The following TENM2 variants were observed in gnomAD, a reference collection of about 807,000 sequenced individuals.
The protein encoded by TENM2 is teneurin-2.
In TENM2, 52 loss-of-function variants were observed where a neutral mutation model predicts 245.2. The ratio of observed to expected loss-of-function variants is 0.21; its 90% CI spans 0.17 to 0.27. The LOEUF (loss-of-function observed/expected upper bound fraction) is 0.27. TENM2 is among the 10% of genes least tolerant of loss of function. The pLI, the probability that TENM2 is intolerant of heterozygous loss-of-function variation, is 1.00. For missense variants in TENM2, 3,046 were observed against 3,666.8 expected (o/e 0.83, Z 4.37); for synonymous variants, 1,363 against 1,438.9 (o/e 0.95, Z 1.19).
At chr5:168,057,031 C>T (rs1789599802) in intron 6 of TENM2, among the ~76,000 whole-genome samples, 1 of 151,826 alleles carries the variant, frequency 6.6e-6, no homozygotes, top group South Asian at 2.1e-4. Flanking sequence ...TTAAGTGACT[C>T]ATGACTGTAT....
In TENM2 at chr5:168,036,646, ATAT is replaced by A. The variant is rs1359749034; in HGVS notation, c.1187-10780_1187-10778del. Among the ~76,000 whole-genome samples, 103 of 108,884 alleles carry A rather than the reference ATAT, an allele frequency of 9.5e-4. 6 individuals are homozygous for A. Among genetic ancestry groups the A allele is most frequent in the African/African-American group, 4.0e-3 (88 of 22,024 alleles). 71.4% of individuals were successfully genotyped at this position (108,884 alleles called of 152,430 possible). A position where few individuals can be genotyped will look rare whatever the true frequency, so the allele number is the denominator to read the frequency against. Reference sequence around the variant, plus strand: ...AGCGAAACTCCATCAAAAAAAAAATATATATATATATATATATAATATATGTAT... The same window carrying A: ...AGCGAAACTCCATCAAAAAAAAAATAATATATATATATATAATATATGTAT... On this transcript the variant is annotated intron_variant, in intron 5 of 28. Transcript: ENST00000518659.
intron 27 of TENM2, among the ~76,000 whole-genome samples, chr5:168,258,491 G>T (rs1767886736): frequency 6.6e-6 from 1 of 151,804 alleles, no homozygotes; most frequent in Admixed American, 6.6e-5. Context: ...ACAGAGCAAG[G>T]CTCAGTCTCA....
At chr5:167,180,069 G>A in the TENM2 span, among the ~76,000 whole-genome samples, 1 of 145,552 alleles carries the variant, frequency 6.9e-6, no homozygotes, top group Non-Finnish European at 1.5e-5. Flanking sequence ...CCCACCTTCC[G>A]TTCCTCTCCA....
chr5:168,181,567 C>T (rs763020015), intron 13 of TENM2, among the ~76,000 whole-genome samples: 2 of 151,788 alleles, frequency 1.3e-5, no homozygotes, highest in Non-Finnish European at 2.9e-5. Flanking sequence ...ACAACGATCT[C>T]TGGACTTGGA....
chr5:167,486,963 C>T (rs1326723651), intron 2 of TENM2, among the ~76,000 whole-genome samples: 1 of 152,038 alleles, frequency 6.6e-6, no homozygotes, highest in Non-Finnish European at 1.5e-5. Flanking sequence ...TGTAAAAGTA[C>T]AGCAAAAATG....
chr5:167,621,565 A>G (rs890380419), intron 2 of TENM2, among the ~76,000 whole-genome samples: 9 of 152,144 alleles, frequency 5.9e-5, no homozygotes, highest in African/African-American at 1.9e-4. Flanking sequence ...TTCTAAGGGG[A>G]TAAGAACTTC....
intron 7 of TENM2, among the ~76,000 whole-genome samples, chr5:168,066,598 T>C (rs1450795275): frequency 1.3e-5 from 2 of 152,226 alleles, no homozygotes; most frequent in African/African-American, 4.8e-5. Flanking sequence ...AATATTATTG[T>C]TTCTAAAGCT....
chr5:167,452,047 A>C (rs1244492905), intron 2 of TENM2, among the ~76,000 whole-genome samples: 1 of 152,222 alleles, frequency 6.6e-6, no homozygotes, highest in Non-Finnish European at 1.5e-5. Flanking sequence ...GAACTATATC[A>C]GAGCATAAAA....
At chr5:167,089,415 TA>T in the TENM2 span, among the ~76,000 whole-genome samples, 2 of 152,310 alleles carry the variant, frequency 1.3e-5, no homozygotes, top group East Asian at 1.9e-4. Flanking sequence ...GGTTTATCCT[TA>T]AATTGAATGC....
At chr5:167,076,303 A>G in the TENM2 span, among the ~76,000 whole-genome samples, 5 of 152,212 alleles carry the variant, frequency 3.3e-5, no homozygotes, top group African/African-American at 4.8e-5. Flanking sequence ...TTCACTAAAA[A>G]TATGATTTTT....
At chr5:167,560,893 G>C (rs1773542051) in intron 2 of TENM2, among the ~76,000 whole-genome samples, 1 of 149,190 alleles carries the variant, frequency 6.7e-6, no homozygotes, top group Non-Finnish European at 1.5e-5. Flanking sequence ...GGAGGCATTA[G>C]ATTGTCATGA....
chr5:167,922,163 C>T (rs1777421781), intron 3 of TENM2, among the ~76,000 whole-genome samples: 1 of 152,172 alleles, frequency 6.6e-6, no homozygotes, highest in Non-Finnish European at 1.5e-5. Context: ...TTTGAAATCC[C>T]CAGCTAGAAA....
chr5:167,153,256 C>T, the TENM2 span, among the ~76,000 whole-genome samples: 41 of 151,594 alleles, frequency 2.7e-4, no homozygotes, highest in Non-Finnish European at 5.0e-4. Context: ...GAAACCTTAC[C>T]GAGAACGTAA....
intron 3 of TENM2, among the ~76,000 whole-genome samples, chr5:167,919,332 C>T (rs962282623): frequency 3.3e-5 from 5 of 152,210 alleles, no homozygotes; most frequent in South Asian, 2.1e-4. Flanking sequence ...AAAGTGCTGG[C>T]GAATGTTAAT....
intron 17 of TENM2, 37 bp downstream of exon 19, chr5:168,200,168 T>C (rs758975960): frequency 6.3e-7 from 1 of 1,582,634 alleles, no homozygotes; most frequent in Non-Finnish European, 8.6e-7. Context: ...GATCAATGGA[T>C]TTAGTCATGT....
At chr5:168,212,362 C>G (rs1050003568) in intron 20 of TENM2, among the ~76,000 whole-genome samples, 2 of 152,122 alleles carry the variant, frequency 1.3e-5, no homozygotes, top group African/African-American at 2.4e-5. Context: ...CATTTAAAAC[C>G]ACACTAGTAC....
At chr5:167,758,614 T>G (rs1762459515) in intron 2 of TENM2, among the ~76,000 whole-genome samples, 1 of 152,178 alleles carries the variant, frequency 6.6e-6, no homozygotes, top group Non-Finnish European at 1.5e-5. Flanking sequence ...CTTCCACTTT[T>G]TTTTAGCTCT....
chr5:166,999,876 G>C, the TENM2 span, among the ~76,000 whole-genome samples: 2 of 151,280 alleles, frequency 1.3e-5, no homozygotes, highest in African/African-American at 4.9e-5. Context: ...GAACTTGAGA[G>C]AAGAGAGGAA....
chr5:168,187,685 T>G (rs1444976092), intron 13 of TENM2: 3 of 152,274 alleles, frequency 2.0e-5, no homozygotes, highest in Non-Finnish European at 2.9e-5. Flanking sequence ...GGCAGAATTC[T>G]ATGCACTTTT....
Sources: gnomAD v4.1 joint callset for allele counts (sites outside exome capture counted in the v4.1 genomes callset) on GRCh38, gnomAD v4.1.1 for gene constraint, MANE v1.5 for transcripts, NCBI Gene and HGNC (gene_info 2026-07-23, HGNC 2026-07-21) for gene names.